The following RAB7A variants were observed in gnomAD, a reference collection of about 807,000 sequenced individuals.
RAB7A encodes the protein RAB7A, member RAS oncogene family, also known as ras-related protein Rab-7a.
A neutral mutation model predicts 24.5 loss-of-function variants in RAB7A; 2 were observed. The observed-to-expected ratio is 0.08, with a 90% CI of 0.03 to 0.26. The LOEUF (loss-of-function observed/expected upper bound fraction) is 0.26, where lower values mean the gene tolerates loss of function less well. RAB7A is among the 10% of genes least tolerant of loss of function. The pLI is 1.00. For synonymous variants in RAB7A, 100 were observed against 95.9 expected (o/e 1.04, Z -0.25); for missense variants, 118 against 255.7 (o/e 0.46, Z 3.67).
At chr3:128,737,630 G>A (rs896608696) in intron 1 of RAB7A, among the ~76,000 whole-genome samples, 1 of 150,688 alleles carries the variant, frequency 6.6e-6, no homozygotes, top group African/African-American at 2.4e-5. Context: ...ACATGTGTGA[G>A]CCACCTATCT....
intron 1 of RAB7A, among the ~76,000 whole-genome samples, chr3:128,770,088 T>C (rs943699737): frequency 6.6e-6 from 1 of 151,978 alleles, no homozygotes; most frequent in Admixed American, 6.6e-5. Context: ...CTGCAACCTT[T>C]GCCTTCTGGG....
intron 1 of RAB7A, chr3:128,749,075 T>C (rs1306919771): frequency 6.6e-6 from 1 of 152,224 alleles, no homozygotes; most frequent in Admixed American, 6.5e-5. Context: ...TATGTTGTAA[T>C]TGGTATCCAG....
intron 2 of RAB7A, among the ~76,000 whole-genome samples, chr3:128,795,750 G>GTTTTTTTTTTTTTTTTTTT (rs1491091651): frequency 1.3e-3 from 9 of 6,874 alleles, no homozygotes; most frequent in Admixed American, 4.5e-3. Flanking sequence ...TAGCAGATGT[G>GTTTTTTTTTTTTTTTTTTT]CTTTTTTTTT....
At chr3:128,807,476 G>A (rs539287709) in intron 4 of RAB7A, 67 bp from the exon 5 acceptor site, 60 of 1,609,462 alleles carry the variant, frequency 3.7e-5, no homozygotes, top group Non-Finnish European at 1.8e-5. Flanking sequence ...GACACTTCCT[G>A]GGGAGGATGG....
intron 2 of RAB7A, among the ~76,000 whole-genome samples, chr3:128,795,813 G>A (rs764671216): frequency 2.1e-4 from 27 of 129,630 alleles, no homozygotes; most frequent in Non-Finnish European, 2.9e-4. Flanking sequence ...GTGCAGTGGC[G>A]CGATCTCGGC....
intron 1 of RAB7A, among the ~76,000 whole-genome samples, chr3:128,784,083 T>A (rs925629334): frequency 1.3e-5 from 2 of 152,218 alleles, no homozygotes; most frequent in Non-Finnish European, 2.9e-5. Flanking sequence ...CTAGATAGAC[T>A]TCAGCCATAA....
chr3:128,732,406 G>A (rs550268523), intron 1 of RAB7A, among the ~76,000 whole-genome samples: 1 of 151,702 alleles, frequency 6.6e-6, no homozygotes, highest in East Asian at 1.9e-4. Flanking sequence ...AAAAAAAAAA[G>A]CTAGGAAAAT....
intron 1 of RAB7A, among the ~76,000 whole-genome samples, chr3:128,762,196 G>T (rs373470997): frequency 4.6e-5 from 7 of 152,196 alleles, no homozygotes; most frequent in Non-Finnish European, 1.0e-4. Context: ...TGTGCTGGCA[G>T]TGTTGAACTA....
intron 1 of RAB7A, among the ~76,000 whole-genome samples, chr3:128,758,279 T>G (rs539151102): frequency 3.3e-5 from 5 of 150,436 alleles, no homozygotes; most frequent in East Asian, 3.9e-4. Context: ...TTTTTGTTTT[T>G]TTTTTTTTTT....
In RAB7A at chr3:128,765,060, T is replaced by C; in HGVS notation, c.-8-30300T>C. 13 of 1,130,660 alleles carry C rather than the reference T, an allele frequency of 1.1e-5. No individual in the cohort carries two copies. The South Asian group carries it at 1.7e-4, about 14-fold the overall frequency. 70.0% of individuals were successfully genotyped at this position (1,130,660 alleles called of 1,614,324 possible). A position where few individuals can be genotyped will look rare whatever the true frequency, so the allele number is the denominator to read the frequency against. On this transcript the variant is annotated intron_variant, in intron 1 of 5. Coordinates refer to ENST00000265062, the MANE Select transcript of RAB7A (RefSeq NM_004637.6). ...GGTGGCGGCGGTGGCTGCGCGGCGC[T>C]GGAGCGGCGGCGGGGGCCTTGGGAT...
chr3:128,729,462 C>G (rs1051471494), intron 1 of RAB7A, among the ~76,000 whole-genome samples: 2 of 151,250 alleles, frequency 1.3e-5, no homozygotes, highest in Admixed American at 1.3e-4. Context: ...CCCAGCTACT[C>G]GTGAGGCTGA....
intron 1 of RAB7A, among the ~76,000 whole-genome samples, chr3:128,773,485 G>A (rs1473073144): frequency 1.4e-5 from 2 of 143,026 alleles, no homozygotes; most frequent in South Asian, 2.2e-4. Flanking sequence ...GTCAGCCCCC[G>A]CCCAGCAAGC....
intron 1 of RAB7A, among the ~76,000 whole-genome samples, chr3:128,776,508 CTCTTGGGCTCAAGCAATCCTTCTG>C (rs1933089422): frequency 6.6e-6 from 1 of 152,206 alleles, no homozygotes; most frequent in Non-Finnish European, 1.5e-5. Flanking sequence ...TGGTCTCAAA[CTCTTGGGCTCAAGCAATCCTTCTG>C]TCTTGGCCTC....
At chr3:128,773,927 A>C (rs1576288754) in intron 1 of RAB7A, among the ~76,000 whole-genome samples, 1 of 151,790 alleles carries the variant, frequency 6.6e-6, no homozygotes, top group African/African-American at 2.4e-5. Context: ...TCAAGTACCC[A>C]GGGACACAAA....
intron 1 of RAB7A, among the ~76,000 whole-genome samples, chr3:128,751,607 C>T (rs1362755847): frequency 1.3e-5 from 2 of 152,192 alleles, no homozygotes; most frequent in African/African-American, 4.8e-5. Context: ...TTTGGTTTTA[C>T]AGGCTTATAA....
intron 1 of RAB7A, among the ~76,000 whole-genome samples, chr3:128,774,026 C>T (rs1933019545): frequency 1.3e-5 from 2 of 149,010 alleles, no homozygotes; most frequent in Non-Finnish European, 3.0e-5. Flanking sequence ...GCACTATTGT[C>T]CTATGACCCT....
chr3:128,767,197 C>G (rs2107599121), intron 1 of RAB7A, among the ~76,000 whole-genome samples: 1 of 152,306 alleles, frequency 6.6e-6, no homozygotes, highest in East Asian at 1.9e-4. Context: ...TGCAACTAGT[C>G]TCCTGAGGAG....
intron 1 of RAB7A, among the ~76,000 whole-genome samples, chr3:128,729,208 G>C (rs1333935587): frequency 6.6e-6 from 1 of 152,018 alleles, no homozygotes; most frequent in East Asian, 1.9e-4. Context: ...AGTAAAGTGT[G>C]GCTTTGAATC....
At chr3:128,731,552 G>T (rs912762087) in intron 1 of RAB7A, among the ~76,000 whole-genome samples, 1 of 152,160 alleles carries the variant, frequency 6.6e-6, no homozygotes, top group Non-Finnish European at 1.5e-5. Flanking sequence ...CACAACTGTT[G>T]TGTGTATCTG....
Sources: gnomAD v4.1 joint callset for allele counts (sites outside exome capture counted in the v4.1 genomes callset) on GRCh38, gnomAD v4.1.1 for gene constraint, MANE v1.5 for transcripts, NCBI Gene and HGNC (gene_info 2026-07-23, HGNC 2026-07-21) for gene names.